Variants in RAPGEF2 observed in about 807,000 individuals in gnomAD.
RAPGEF2 encodes the protein Rap guanine nucleotide exchange factor 2.
RAPGEF2 carries 54 observed loss-of-function variants against 186.7 expected under a neutral mutation model. That is an observed-to-expected ratio of 0.29 (90% CI 0.23 to 0.36). The LOEUF (loss-of-function observed/expected upper bound fraction) is 0.36, where lower values mean the gene tolerates loss of function less well. Ranked by LOEUF, RAPGEF2 falls within the 10% of genes least tolerant of loss-of-function variation. The probability of loss-of-function intolerance (pLI) is 1.00; values close to 1 mark genes in which losing one functional copy is unlikely to be tolerated. For synonymous variants in RAPGEF2, 712 were observed against 705.9 expected (o/e 1.01, Z -0.14); for missense variants, 1,532 against 2,045.0 (o/e 0.75, Z 4.84).
chr4:159,210,635 T>C lies in RAPGEF2; in HGVS notation c.281+52T>C, dbSNP rs556263333. 2.2e-6 allele frequency: 3 copies of C among 1,366,468 alleles called. No homozygotes were observed. The South Asian group carries it at 3.8e-5, about 17-fold the overall frequency. The allele number at this position is 1,366,468 out of a possible 1,614,324, so 84.6% of individuals were successfully genotyped here. A position where few individuals can be genotyped will look rare whatever the true frequency, so the allele number is the denominator to read the frequency against. Reference sequence around the variant, plus strand: ...TTATCCATGAAGCTTGAAATTCTTTTGCAGAATTCAGTTCTAAAATTCTTT... The same window carrying C: ...TTATCCATGAAGCTTGAAATTCTTTCGCAGAATTCAGTTCTAAAATTCTTT... On this transcript the variant is annotated intron_variant, in intron 4 of 29. Coordinates refer to ENST00000691494, the MANE Select transcript of RAPGEF2 (RefSeq NM_001394067.2).
At chr4:159,179,179 G>C (rs1746764972) in intron 1 of RAPGEF2, among the ~76,000 whole-genome samples, 1 of 139,588 alleles carries the variant, frequency 7.2e-6, no homozygotes, top group African/African-American at 2.8e-5. Flanking sequence ...TCAATGACTA[G>C]AGAATTTGGG....
Position 159,358,065 on chromosome 4 carries a change from A to G in RAPGEF2, c.4958-49A>G, listed in dbSNP as rs565428270. ...GAATATATTCTCTATAGCACAAGAAATTACTTGCTTGCTCATTGATTTCTT... is the reference window on the plus strand; with the variant it reads ...GAATATATTCTCTATAGCACAAGAAGTTACTTGCTTGCTCATTGATTTCTT... On this transcript the variant is annotated intron_variant, in intron 29 of 29. Coordinates refer to ENST00000691494, the MANE Select transcript of RAPGEF2 (RefSeq NM_001394067.2). The G allele has an allele frequency of 1.2e-4, 192 of 1,585,920 alleles. 4 individuals are homozygous for G. In the South Asian group the frequency reaches 1.9e-3, roughly 16 times the overall value.
rs372297085 is a variant in RAPGEF2, at chr4:159,152,713, G to A, written c.70-33929G>A. Among the ~76,000 whole-genome samples, 154 of 152,284 alleles carry A rather than the reference G, an allele frequency of 1.0e-3. 1 individual carries two copies. The highest frequency in any genetic ancestry group is 3.5e-3 in the African/African-American group (146 of 41,570). ...GCTCACTGCAAGCTCTGCCACCCAG[G>A]TTCACGCCATTCTCCTGCCTCAGCC... is the stretch of plus-strand genomic sequence containing the variant. On this transcript the variant is annotated intron_variant, in intron 1 of 29. Transcript: ENST00000691494.
chr4:159,314,305 T>C (rs947911151), intron 8 of RAPGEF2, among the ~76,000 whole-genome samples: 5 of 152,198 alleles, frequency 3.3e-5, no homozygotes, highest in Non-Finnish European at 5.9e-5. Context: ...ACAAATACTT[T>C]TTCTTCTTTA....
intron 26 of RAPGEF2, among the ~76,000 whole-genome samples, chr4:159,352,130 TC>T (rs1731277388): frequency 6.6e-6 from 1 of 152,252 alleles, no homozygotes. Flanking sequence ...TTTATGTGGT[TC>T]AACCAATATT....
chr4:159,152,906 G>A (rs34947261), intron 1 of RAPGEF2, among the ~76,000 whole-genome samples: 35,648 of 152,102 alleles, frequency 0.23, 4,818 homozygotes, highest in South Asian at 0.33. Context: ...GTGAGCCACC[G>A]TGCCTGGCCT....
intron 1 of RAPGEF2, among the ~76,000 whole-genome samples, chr4:159,105,978 G>A (rs943993971): frequency 6.6e-6 from 1 of 152,178 alleles, no homozygotes; most frequent in Non-Finnish European, 1.5e-5. Flanking sequence ...AGGTTGGGGG[G>A]CGGGTCACCA....
At chr4:159,239,482 C>T (rs1753693446) in intron 5 of RAPGEF2, among the ~76,000 whole-genome samples, 1 of 152,122 alleles carries the variant, frequency 6.6e-6, no homozygotes, top group Non-Finnish European at 1.5e-5. Context: ...GATTATTATG[C>T]TGGTTAAACA....
At chr4:159,175,067 T>C (rs1746321607) in intron 1 of RAPGEF2, among the ~76,000 whole-genome samples, 1 of 152,172 alleles carries the variant, frequency 6.6e-6, no homozygotes, top group Non-Finnish European at 1.5e-5. Context: ...AAGCCATACA[T>C]GTGTCTTATA....
At chr4:159,235,427 G>A (rs1447757468) in intron 4 of RAPGEF2, among the ~76,000 whole-genome samples, 1 of 152,062 alleles carries the variant, frequency 6.6e-6, no homozygotes, top group East Asian at 1.9e-4. Context: ...TCAGTGTAGA[G>A]CATTTCATTG....
At chr4:159,173,922 A>C (rs574090012) in intron 1 of RAPGEF2, among the ~76,000 whole-genome samples, 1 of 152,366 alleles carries the variant, frequency 6.6e-6, no homozygotes, top group African/African-American at 2.4e-5. Flanking sequence ...GATACTTTTA[A>C]AATGAAGATA....
intron 7 of RAPGEF2, among the ~76,000 whole-genome samples, chr4:159,245,217 T>C (rs986383497): frequency 1.3e-5 from 2 of 152,054 alleles, no homozygotes; most frequent in Non-Finnish European, 1.5e-5. Context: ...TGAATACTCA[T>C]AGTCCATGTA....
intron 3 of RAPGEF2, among the ~76,000 whole-genome samples, chr4:159,194,755 A>T (rs1365108616): frequency 6.6e-6 from 1 of 152,138 alleles, no homozygotes; most frequent in African/African-American, 2.4e-5. Flanking sequence ...ATTTTCTTTA[A>T]GCCTCTTTTA....
intron 1 of RAPGEF2, among the ~76,000 whole-genome samples, chr4:159,158,001 T>C (rs1744311372): frequency 6.6e-6 from 1 of 152,138 alleles, no homozygotes; most frequent in Admixed American, 6.5e-5. Flanking sequence ...GGCTAGCAGA[T>C]GGTGCCTGGG....
intron 8 of RAPGEF2, among the ~76,000 whole-genome samples, chr4:159,309,168 C>A (rs1176568338): frequency 6.6e-6 from 1 of 152,094 alleles, no homozygotes; most frequent in Admixed American, 6.6e-5. Context: ...ATGCCTTCTG[C>A]CTGGAATGTT....
At chr4:159,298,107 A>C (rs913316335) in intron 7 of RAPGEF2, among the ~76,000 whole-genome samples, 2 of 152,224 alleles carry the variant, frequency 1.3e-5, no homozygotes, top group South Asian at 2.1e-4. Flanking sequence ...ACCTATTCTT[A>C]TAAAGCATAG....
intron 1 of RAPGEF2, among the ~76,000 whole-genome samples, chr4:159,160,615 G>C (rs1744609994): frequency 6.6e-6 from 1 of 152,120 alleles, no homozygotes; most frequent in African/African-American, 2.4e-5. Flanking sequence ...GCTTAGACCA[G>C]AGTTAGGTAT....
chr4:159,317,186 A>C lies in RAPGEF2; in HGVS notation c.853+2418A>C, dbSNP rs143934429. ...TCTAGGAAATTAAAGGCAAAAAAAA[A>C]CCAAAACCTTAGATTAGACATTCAA... is the stretch of plus-strand genomic sequence containing the variant. On this transcript the variant is annotated intron_variant, in intron 9 of 29. Transcript: ENST00000691494. 5.0e-3 allele frequency among the ~76,000 whole-genome samples: 768 copies of C among 152,314 alleles called. 3 individuals carry two copies. The highest frequency in any genetic ancestry group is 6.2e-3 in the Admixed American group (95 of 15,294).
chr4:159,282,592 A>G (rs1053830285), intron 7 of RAPGEF2: 2 of 446,662 alleles, frequency 4.5e-6, no homozygotes, highest in Non-Finnish European at 8.9e-6. Flanking sequence ...CCAAGTCTTA[A>G]TTTAAATCTG....
Sources: gnomAD v4.1 joint callset for allele counts (sites outside exome capture counted in the v4.1 genomes callset) on GRCh38, gnomAD v4.1.1 for gene constraint, MANE v1.5 for transcripts, NCBI Gene and HGNC (gene_info 2026-07-23, HGNC 2026-07-21) for gene names.